The following FAM13A variants were observed in gnomAD, a reference collection of about 807,000 sequenced individuals.
FAM13A encodes family with sequence similarity 13 member A, also known as protein FAM13A.
Under a neutral mutation model 129.6 loss-of-function variants are expected in FAM13A, and 76 were observed. The ratio of observed to expected loss-of-function variants is 0.59; its 90% CI spans 0.49 to 0.71. FAM13A has a LOEUF of 0.71. Ranked by LOEUF, FAM13A falls within the 30% of genes least tolerant of loss-of-function variation. FAM13A has a pLI of 0.00. For synonymous variants in FAM13A, 443 were observed against 449.9 expected, an observed-to-expected ratio of 0.98 and a Z score of 0.20; for missense variants, 1,108 against 1,249.3, an observed-to-expected ratio of 0.89 and a Z score of 1.70.
chr4:88,951,359 GA>G (rs1756920759), intron 4 of FAM13A, among the ~76,000 whole-genome samples: 1 of 152,156 alleles, frequency 6.6e-6, no homozygotes, highest in African/African-American at 2.4e-5. Context: ...AACATTTTTA[GA>G]AACTCAACTT....
At chr4:88,858,605 G>A (rs1053869013) in intron 6 of FAM13A, among the ~76,000 whole-genome samples, 2 of 152,160 alleles carry the variant, frequency 1.3e-5, no homozygotes, top group African/African-American at 4.8e-5. Flanking sequence ...GATGAATCCT[G>A]AAAACATTAT....
At chr4:88,976,769 T>C (rs186915657) in intron 4 of FAM13A, among the ~76,000 whole-genome samples, 2 of 113,032 alleles carry the variant, frequency 1.8e-5, no homozygotes, top group African/African-American at 6.8e-5. Context: ...CCATTCAGGG[T>C]AAGTGCCCTA....
At chr4:88,758,643 T>C (rs1744186397) in intron 14 of FAM13A, 111 bp downstream of exon 14, 1 of 1,093,844 alleles carries the variant, frequency 9.1e-7, no homozygotes. Flanking sequence ...CAGTTACTTC[T>C]GCATGCATAG....
At chr4:89,049,203 T>C (rs974281484) in intron 1 of FAM13A, among the ~76,000 whole-genome samples, 1 of 151,864 alleles carries the variant, frequency 6.6e-6, no homozygotes, top group African/African-American at 2.4e-5. Context: ...TTTGAGGCTG[T>C]AGTGAGCTAT....
chr4:88,996,004 C>T (rs1407289791), intron 3 of FAM13A, among the ~76,000 whole-genome samples: 3 of 152,148 alleles, frequency 2.0e-5, no homozygotes, highest in Admixed American at 2.0e-4. Context: ...GGAGGCCCCT[C>T]TGATACCATG....
Position 88,847,610 on chromosome 4 carries a change from T to C in FAM13A, c.1007+3410A>G, listed in dbSNP as rs147842792. On this transcript the variant is annotated intron_variant, in intron 7 of 23. Transcript: ENST00000264344. ...TGTTAACTTGGAAGCAGGAAACTTA[T>C]TTTCATTTTCTGATTGGATGAATAA... Among the ~76,000 whole-genome samples, 641 of 152,182 alleles carry C rather than the reference T, an allele frequency of 4.2e-3. 6 individuals carry two copies. The highest frequency in any genetic ancestry group is 0.014 in the African/African-American group (595 of 41,536).
chr4:88,873,895 A>G (rs1227289769), intron 6 of FAM13A, among the ~76,000 whole-genome samples: 1 of 152,178 alleles, frequency 6.6e-6, no homozygotes. Context: ...CCTCAATAAA[A>G]TACTGGCAAA....
At chr4:88,893,396 G>A (rs1236581746) in intron 6 of FAM13A, among the ~76,000 whole-genome samples, 3 of 152,292 alleles carry the variant, frequency 2.0e-5, no homozygotes, top group African/African-American at 4.8e-5. Flanking sequence ...AGGCCAAGGC[G>A]GGCGGATCAC....
At chr4:88,855,722 T>C (rs1738370508) in intron 6 of FAM13A, 1 of 148,412 alleles carries the variant, frequency 6.7e-6, no homozygotes, top group Non-Finnish European at 1.5e-5. Context: ...AAAAAAAAAA[T>C]ATGTGATACC....
chr4:88,868,449 G>A (rs1740813600), intron 6 of FAM13A, among the ~76,000 whole-genome samples: 1 of 151,960 alleles, frequency 6.6e-6, no homozygotes, highest in South Asian at 2.1e-4. Context: ...TTTAGTTTGG[G>A]CCCTTCCCAC....
chr4:88,946,401 CTTTTTTTTT>C (rs3067813), intron 4 of FAM13A, among the ~76,000 whole-genome samples: 18 of 91,714 alleles, frequency 2.0e-4, no homozygotes, highest in Middle Eastern at 0.018. Context: ...CTCCCGCGTT[CTTTTTTTTT>C]TTTTTTTTTT....
In FAM13A at chr4:88,737,466, C is replaced by G. The variant is rs762329332; in HGVS notation, c.2646+6G>C. The G allele has an allele frequency of 1.2e-6, 2 of 1,613,300 alleles. No homozygotes were observed. Among genetic ancestry groups the G allele is most frequent in the Non-Finnish European group, 1.7e-6 (2 of 1,179,334 alleles). ...TTAGCAATGGGTTAGCAGCTGGGGT[C>G]TTCACCTTTATCTCCTTGAAGAAGG... On this transcript the variant is annotated splice_donor_region_variant and intron_variant, in intron 21 of 23. Coordinates refer to ENST00000264344, the MANE Select transcript of FAM13A (RefSeq NM_014883.4).
At chr4:88,818,026 C>T (rs2149811552) in intron 7 of FAM13A, among the ~76,000 whole-genome samples, 1 of 152,300 alleles carries the variant, frequency 6.6e-6, no homozygotes, top group South Asian at 2.1e-4. Context: ...CACTGTCGCA[C>T]AGACTGGAGT....
chr4:88,910,189 T>C (rs916835829), intron 5 of FAM13A, among the ~76,000 whole-genome samples: 4 of 152,148 alleles, frequency 2.6e-5, no homozygotes, highest in African/African-American at 9.7e-5. Context: ...ACATACGGCA[T>C]ATTTATACTT....
At position 88,727,275 on chromosome 4, in the gene FAM13A, A is replaced by G. The variant is rs1012558482; in HGVS notation, c.*1258T>C. The G allele has an allele frequency of 1.3e-5, 2 of 152,682 alleles. No individual in the cohort carries two copies. Among genetic ancestry groups the G allele is most frequent in the Admixed American group, 6.5e-5 (1 of 15,286 alleles). The allele number at this position is 152,682 out of a possible 1,614,324, so 9.5% of individuals were successfully genotyped here. On this transcript the variant is annotated 3_prime_UTR_variant, in exon 24 of 24. Coordinates refer to ENST00000264344, the MANE Select transcript of FAM13A (RefSeq NM_014883.4). ...CACTGTCCTTGGCGCAGGAGTTAAAAAAGTAACAGCAAATCATGAGGTGAC... is the reference window on the plus strand; with the variant it reads ...CACTGTCCTTGGCGCAGGAGTTAAAGAAGTAACAGCAAATCATGAGGTGAC...
chr4:88,733,177 G>A lies in FAM13A; in HGVS notation c.2647-979C>T, dbSNP rs537335828. On this transcript the variant is annotated intron_variant, in intron 21 of 23. Transcript: ENST00000264344. ...ATCTCAGGAGGCCGCAGCAGTTCCC[G>A]CTGGCGGGCAAAGTACAAGTGTGCA... Among the ~76,000 whole-genome samples the A allele has an allele frequency of 2.5e-4, 38 of 152,332 alleles. 1 individual carries two copies. Among genetic ancestry groups the A allele is most frequent in the African/African-American group, 8.2e-4 (34 of 41,576 alleles).
intron 1 of FAM13A, among the ~76,000 whole-genome samples, chr4:89,052,050 C>T (rs1307095291): frequency 6.6e-6 from 1 of 152,076 alleles, no homozygotes; most frequent in African/African-American, 2.4e-5. Context: ...TATGTAGAGG[C>T]AGCCAGGCTA....
intron 10 of FAM13A, among the ~76,000 whole-genome samples, chr4:88,787,057 C>G (rs1230452787): frequency 6.6e-6 from 1 of 151,804 alleles, no homozygotes; most frequent in Non-Finnish European, 1.5e-5. Flanking sequence ...ATAGTCTATT[C>G]TCTATATAAA....
At chr4:88,899,030 C>T (rs1199119711) in intron 6 of FAM13A, among the ~76,000 whole-genome samples, 1 of 151,760 alleles carries the variant, frequency 6.6e-6, no homozygotes, top group Non-Finnish European at 1.5e-5. Flanking sequence ...CAAAGCCCAT[C>T]AATCAATGAG....
Sources: gnomAD v4.1 joint callset for allele counts (sites outside exome capture counted in the v4.1 genomes callset) on GRCh38, gnomAD v4.1.1 for gene constraint, MANE v1.5 for transcripts, NCBI Gene and HGNC (gene_info 2026-07-23, HGNC 2026-07-21) for gene names.